The following WWOX variants were observed in gnomAD, a reference collection of about 807,000 sequenced individuals.
WWOX encodes WW domain containing oxidoreductase.
Under a neutral mutation model 46.2 loss-of-function variants are expected in WWOX, and 69 were observed. The ratio of observed to expected loss-of-function variants is 1.49; its 90% CI spans 1.23 to 1.82. WWOX has a LOEUF of 1.82. Ranked by LOEUF, WWOX falls within the 40% of genes most tolerant of loss-of-function variation. The probability of loss-of-function intolerance (pLI) is 0.00; values close to 1 mark genes in which losing one functional copy is unlikely to be tolerated. For synonymous variants in WWOX, 359 were observed against 202.6 expected (o/e 1.77, Z -6.56); for missense variants, 919 against 542.6 (o/e 1.69, Z -6.89).
At chr16:78,710,498 A>ATATATATATATATATATATATATATATT (rs941311575) in intron 8 of WWOX, among the ~76,000 whole-genome samples, 58 of 132,774 alleles carry the variant, frequency 4.4e-4, no homozygotes, top group African/African-American at 1.5e-3. Flanking sequence ...ATATATATAT[A>ATATATATATATATATATATATATATATT]TTTATATAAA....
intron 8 of WWOX, among the ~76,000 whole-genome samples, chr16:78,806,595 A>G (rs910593886): frequency 1.3e-5 from 2 of 152,102 alleles, no homozygotes; most frequent in African/African-American, 2.4e-5. Flanking sequence ...CATTGTCTCC[A>G]TGTACCCTGA....
chr16:78,365,584 T>C (rs2081517593), intron 5 of WWOX, among the ~76,000 whole-genome samples: 1 of 152,208 alleles, frequency 6.6e-6, no homozygotes, highest in African/African-American at 2.4e-5. Context: ...CCCTGAATCA[T>C]AGTGTTGCTT....
intron 8 of WWOX, among the ~76,000 whole-genome samples, chr16:78,666,937 G>T (rs576066337): frequency 8.5e-5 from 13 of 152,312 alleles, no homozygotes; most frequent in African/African-American, 2.9e-4. Context: ...TGTCCAGGGG[G>T]TGACAGTTCC....
At position 78,969,678 on chromosome 16, in the gene WWOX, GAGAAA is replaced by G. The variant is rs149701787; in HGVS notation, c.1057-241919_1057-241915del. Among the ~76,000 whole-genome samples, 1,191 of 152,146 alleles carry G rather than the reference GAGAAA, an allele frequency of 7.8e-3. 15 individuals are homozygous for G. The highest frequency in any genetic ancestry group is 0.026 in the African/African-American group (1,096 of 41,480). The stretch of plus-strand genomic sequence containing the variant: ...AGTTTCCTGCAGCTTTAATAAAGAA[GAGAAA>G]AGAAAAGAAAGAAAGGAAAATTCGC... On this transcript the variant is annotated intron_variant, in intron 8 of 8. Transcript: ENST00000566780.
intron 5 of WWOX, among the ~76,000 whole-genome samples, chr16:78,310,616 C>G (rs1744266309): frequency 6.6e-6 from 1 of 152,162 alleles, no homozygotes; most frequent in Admixed American, 6.5e-5. Flanking sequence ...ATGTGCCAGT[C>G]ACAGTGGAAA....
intron 8 of WWOX, among the ~76,000 whole-genome samples, chr16:78,731,845 CTTT>C (rs200790501): frequency 2.3e-5 from 3 of 129,108 alleles, no homozygotes; most frequent in Admixed American, 9.4e-5. Context: ...TTTTCTTTCT[CTTT>C]TTTTTTTTTT....
At chr16:78,323,086 A>G (rs1194349810) in intron 5 of WWOX, among the ~76,000 whole-genome samples, 1 of 151,960 alleles carries the variant, frequency 6.6e-6, no homozygotes, top group Non-Finnish European at 1.5e-5. Context: ...ACAGCCTGCT[A>G]TGATTTGGGG....
chr16:78,984,312 C>T (rs2046742726), intron 8 of WWOX, among the ~76,000 whole-genome samples: 2 of 152,092 alleles, frequency 1.3e-5, no homozygotes, highest in African/African-American at 4.8e-5. Flanking sequence ...AATTGCAAGT[C>T]CCCCACCTCC....
intron 8 of WWOX, among the ~76,000 whole-genome samples, chr16:78,502,674 C>T (rs552711336): frequency 6.6e-6 from 1 of 152,272 alleles, no homozygotes; most frequent in East Asian, 1.9e-4. Flanking sequence ...TGTTTTCATT[C>T]CAATATCCTT....
rs562681580 is a variant in WWOX at position 78,964,504 on chromosome 16, C to A, written c.1057-247104C>A. Among the ~76,000 whole-genome samples the A allele has an allele frequency of 1.1e-3, 162 of 152,226 alleles. 1 individual carries two copies. The highest frequency in any genetic ancestry group is 3.7e-3 in the African/African-American group (154 of 41,534). ...TCTGGCCGAAGAAATTTCTCATCAGCAAAACATTCAAGAGGTGACTTGGGT... is the reference window on the plus strand; with the variant it reads ...TCTGGCCGAAGAAATTTCTCATCAGAAAAACATTCAAGAGGTGACTTGGGT... On this transcript the variant is annotated intron_variant, in intron 8 of 8. Transcript: ENST00000566780.
intron 8 of WWOX, among the ~76,000 whole-genome samples, chr16:78,928,333 G>C (rs540560895): frequency 9.8e-4 from 148 of 151,272 alleles, no homozygotes; most frequent in African/African-American, 3.5e-3. Flanking sequence ...CTCCCGAGTA[G>C]CTGGGACTAC....
chr16:79,021,343 C>T (rs1264533224), intron 8 of WWOX, among the ~76,000 whole-genome samples: 1 of 152,152 alleles, frequency 6.6e-6, no homozygotes, highest in Non-Finnish European at 1.5e-5. Context: ...AACTCGCTTT[C>T]TTTGGGAATC....
intron 8 of WWOX, among the ~76,000 whole-genome samples, chr16:78,835,607 AG>A (rs572664673): frequency 1.1e-3 from 163 of 152,320 alleles, no homozygotes; most frequent in African/African-American, 3.8e-3. Flanking sequence ...TGGCTAGATC[AG>A]TTATTATGAA....
chr16:78,921,348 A>G (rs150958460), intron 8 of WWOX, among the ~76,000 whole-genome samples: 1 of 152,328 alleles, frequency 6.6e-6, no homozygotes, highest in East Asian at 1.9e-4. Context: ...AGCTGACATA[A>G]TTTCAGCACC....
At chr16:78,968,534 G>C (rs17636262) in intron 8 of WWOX, among the ~76,000 whole-genome samples, 51,777 of 152,110 alleles carry the variant, frequency 0.34, 9,269 homozygotes, top group Non-Finnish European at 0.38. Flanking sequence ...GGGACATTAT[G>C]ATGACTGTTA....
intron 8 of WWOX, among the ~76,000 whole-genome samples, chr16:78,599,130 C>A (rs767160565): frequency 6.6e-6 from 1 of 152,152 alleles, no homozygotes; most frequent in South Asian, 2.1e-4. Flanking sequence ...AGCTAAACTC[C>A]AGGGGTTGCT....
intron 8 of WWOX, among the ~76,000 whole-genome samples, chr16:78,780,621 C>T (rs925279183): frequency 2.0e-5 from 3 of 152,072 alleles, no homozygotes; most frequent in African/African-American, 7.2e-5. Flanking sequence ...CAGGGAAGAC[C>T]ATTTTAAGGA....
intron 8 of WWOX, among the ~76,000 whole-genome samples, chr16:78,631,565 G>T (rs866883801): frequency 4.4e-4 from 65 of 147,690 alleles, no homozygotes; most frequent in Admixed American, 7.8e-4. Flanking sequence ...TTGAGACAGG[G>T]TCTGGCTCTG....
chr16:78,374,020 C>T (rs941380212), intron 5 of WWOX, among the ~76,000 whole-genome samples: 7 of 152,212 alleles, frequency 4.6e-5, no homozygotes, highest in African/African-American at 9.6e-5. Flanking sequence ...CTCCTGACCT[C>T]AAGTGGTCTG....
Sources: gnomAD v4.1 joint callset for allele counts (sites outside exome capture counted in the v4.1 genomes callset) on GRCh38, gnomAD v4.1.1 for gene constraint, MANE v1.5 for transcripts, NCBI Gene and HGNC (gene_info 2026-07-23, HGNC 2026-07-21) for gene names.